PHF21B: variants seen among roughly 807,000 people sequenced by gnomAD.
PHF21B encodes the protein PHD finger protein 21B.
In PHF21B, 22 loss-of-function variants were observed where a neutral mutation model predicts 62.2. The observed-to-expected ratio is 0.35, with a 90% CI of 0.25 to 0.51. The LOEUF (loss-of-function observed/expected upper bound fraction) is 0.51. Ranked by LOEUF, PHF21B falls within the 20% of genes least tolerant of loss-of-function variation. PHF21B has a pLI of 0.97. For synonymous variants in PHF21B, 341 were observed against 314.7 expected (o/e 1.08, Z -0.88); for missense variants, 701 against 707.9 (o/e 0.99, Z 0.11).
chr22:44,886,121 C>T (rs561739123), intron 10 of PHF21B, among the ~76,000 whole-genome samples, 183 bp from the exon 11 acceptor site: 42 of 152,192 alleles, frequency 2.8e-4, no homozygotes, highest in African/African-American at 9.1e-4. Context: ...CACAGCTCCA[C>T]GAGGCTGGAA....
Position 44,882,223 on chromosome 22 carries a change from C to G in PHF21B, c.*863G>C, listed in dbSNP as rs1235881610. On this transcript the variant is annotated 3_prime_UTR_variant, in exon 13 of 13. Coordinates refer to ENST00000313237, the MANE Select transcript of PHF21B (RefSeq NM_138415.5). ...TCAGTCGTTAAGTTGAATGATTCAA[C>G]CCCAAGGAGAAAACCTGCCAAATGC... 1 of 152,658 alleles carries G rather than the reference C, an allele frequency of 6.6e-6. No individual in the cohort carries two copies. The highest frequency in any genetic ancestry group is 2.4e-5 in the African/African-American group (1 of 41,414). 9.5% of individuals were successfully genotyped at this position (152,658 alleles called of 1,614,324 possible).
chr22:44,943,573 C>G (rs997342460), intron 2 of PHF21B, among the ~76,000 whole-genome samples: 2 of 152,166 alleles, frequency 1.3e-5, no homozygotes, highest in African/African-American at 2.4e-5. Context: ...CCAGGCCCCG[C>G]GGGCTCTAGA....
chr22:44,933,044 G>T (rs2071772389), intron 2 of PHF21B, among the ~76,000 whole-genome samples: 1 of 152,198 alleles, frequency 6.6e-6, no homozygotes, highest in Non-Finnish European at 1.5e-5. Flanking sequence ...CTGTCCTCGG[G>T]GACAGACTTC....
chr22:44,915,478 A>G (rs1309271111), intron 4 of PHF21B, among the ~76,000 whole-genome samples: 2 of 152,192 alleles, frequency 1.3e-5, no homozygotes, highest in African/African-American at 4.8e-5. Flanking sequence ...CTCCTGGGAT[A>G]CACCTGCCAT....
At chr22:44,928,964 G>A (rs2071687609) in intron 2 of PHF21B, among the ~76,000 whole-genome samples, 1 of 152,200 alleles carries the variant, frequency 6.6e-6, no homozygotes, top group Admixed American at 6.5e-5. Flanking sequence ...GGCTGGGGAG[G>A]CGAGAGGGGA....
chr22:44,986,586 CAT>C (rs1440977366), intron 2 of PHF21B, among the ~76,000 whole-genome samples: 1 of 149,188 alleles, frequency 6.7e-6, no homozygotes. Context: ...GTGACCCCCA[CAT>C]GTTTAGTATG....
At chr22:44,935,206 G>A (rs1256207172) in intron 2 of PHF21B, among the ~76,000 whole-genome samples, 1 of 152,156 alleles carries the variant, frequency 6.6e-6, no homozygotes, top group Non-Finnish European at 1.5e-5. Context: ...CCCCAGTCCT[G>A]CCACCTAAGG....
intron 6 of PHF21B, 87 bp from the exon 7 acceptor site, chr22:44,893,620 TC>T: frequency 7.7e-7 from 1 of 1,290,396 alleles, no homozygotes. Context: ...GGCACCACCA[TC>T]CCCTCCTGCT....
At chr22:44,993,586 C>T (rs1299907813) in intron 2 of PHF21B, among the ~76,000 whole-genome samples, 4 of 152,254 alleles carry the variant, frequency 2.6e-5, no homozygotes, top group African/African-American at 7.2e-5. Flanking sequence ...CACGCTTCTC[C>T]GCAAGGCAGT....
At chr22:44,995,727 C>A (rs1285759621) in intron 2 of PHF21B, among the ~76,000 whole-genome samples, 1 of 152,034 alleles carries the variant, frequency 6.6e-6, no homozygotes, top group African/African-American at 2.4e-5. Flanking sequence ...TATGTCGGCA[C>A]CTTCCGAGAT....
intron 7 of PHF21B, 122 bp from the exon 8 acceptor site, chr22:44,891,482 C>T (rs1862165634): frequency 8.7e-7 from 1 of 1,148,670 alleles, no homozygotes; most frequent in Non-Finnish European, 1.3e-6. Context: ...CAGGCTCTGG[C>T]TGGACACCCC....
chr22:44,976,493 C>A (rs1044716102), intron 2 of PHF21B, among the ~76,000 whole-genome samples: 1 of 152,210 alleles, frequency 6.6e-6, no homozygotes, highest in Admixed American at 6.5e-5. Flanking sequence ...GGACTTCATG[C>A]CATTTTAGAA....
chr22:44,898,138 T>C (rs900470420), intron 5 of PHF21B, among the ~76,000 whole-genome samples: 4 of 152,148 alleles, frequency 2.6e-5, no homozygotes, highest in African/African-American at 4.8e-5. Flanking sequence ...TCCCACATGA[T>C]ATTTAGATAT....
intron 2 of PHF21B, among the ~76,000 whole-genome samples, chr22:44,997,605 T>G (rs912777546): frequency 2.0e-5 from 3 of 152,242 alleles, no homozygotes; most frequent in Non-Finnish European, 4.4e-5. Context: ...GCAAGCTGCA[T>G]CTCACATTAA....
chr22:44,931,666 G>T (rs150687252), intron 2 of PHF21B, among the ~76,000 whole-genome samples: 18 of 151,704 alleles, frequency 1.2e-4, no homozygotes, highest in Middle Eastern at 3.4e-3. Flanking sequence ...AAAAATGGTT[G>T]TGAGGTCCCC....
At chr22:44,904,159 T>C (rs1323295997) in intron 5 of PHF21B, among the ~76,000 whole-genome samples, 1 of 152,240 alleles carries the variant, frequency 6.6e-6, no homozygotes, top group Admixed American at 6.5e-5. Flanking sequence ...AGGCTGGAGT[T>C]AATATTTCTA....
Position 45,008,622 on chromosome 22 carries a change from C to G in PHF21B, c.55-12G>C. On this transcript the variant is annotated splice_polypyrimidine_tract_variant and intron_variant, in intron 1 of 12. Coordinates refer to ENST00000313237, the MANE Select transcript of PHF21B (RefSeq NM_138415.5). ...TTGAGGTCGCCGTTCTGCGGAAACA[C>G]GGAGGAGCGGGCTCAGGCAGGCCAC... is the stretch of plus-strand genomic sequence containing the variant. The G allele has an allele frequency of 6.4e-7, 1 of 1,568,732 alleles. No individual in the cohort carries two copies. The highest frequency in any genetic ancestry group is 8.6e-7 in the Non-Finnish European group (1 of 1,156,630).
chr22:44,900,547 C>T lies in PHF21B; in HGVS notation c.832-4464G>A, dbSNP rs549382277. Among the ~76,000 whole-genome samples the T allele has an allele frequency of 1.6e-4, 25 of 152,272 alleles. No individual in the cohort carries two copies. The South Asian group carries it at 3.7e-3, about 23-fold the overall frequency. On this transcript the variant is annotated intron_variant, in intron 5 of 12. Transcript: ENST00000313237. ...AACTCCTGACCTCAAGTGATCCACC[C>T]GCCTCGGCCTCCTAAAGTGCTGAGA...
At chr22:44,947,779 G>A (rs570624161) in intron 2 of PHF21B, among the ~76,000 whole-genome samples, 2 of 152,246 alleles carry the variant, frequency 1.3e-5, no homozygotes, top group South Asian at 2.1e-4. Flanking sequence ...CCTGGCTCCC[G>A]GAAGCTCAGA....
Sources: gnomAD v4.1 joint callset for allele counts (sites outside exome capture counted in the v4.1 genomes callset) on GRCh38, gnomAD v4.1.1 for gene constraint, MANE v1.5 for transcripts, NCBI Gene and HGNC (gene_info 2026-07-23, HGNC 2026-07-21) for gene names.